The following AQP5 variants were observed in gnomAD, a reference collection of about 807,000 sequenced individuals.
AQP5 encodes aquaporin-5.
Under a neutral mutation model 19.1 loss-of-function variants are expected in AQP5, and 15 were observed. That is an observed-to-expected ratio of 0.79 (90% CI 0.53 to 1.21). The LOEUF (loss-of-function observed/expected upper bound fraction) is 1.21, where lower values mean the gene tolerates loss of function less well. Among genes scored for constraint, AQP5 ranks in the 50% most tolerant of loss-of-function variants. The pLI, the probability that AQP5 is intolerant of heterozygous loss-of-function variation, is 0.00. For missense variants in AQP5, 355 were observed against 357.1 expected (o/e 0.99, Z 0.05); for synonymous variants, 182 against 160.3 (o/e 1.14, Z -1.02).
rs1947474496 is a variant in AQP5 at position 49,965,039 on chromosome 12, T to C, written c.660T>C (p.Leu220=). 4 of 1,613,900 alleles carry C rather than the reference T, an allele frequency of 2.5e-6. No individual in the cohort carries two copies. In the South Asian group the frequency reaches 3.3e-5, roughly 13 times the overall value. Residue 220 remains leucine, a synonymous_variant, in exon 4 of 4, where the codon CTT becomes CTC. Transcript: ENST00000293599. ...TGGGGGCGGTCCTGGCTGCCATCCT[T>C]TACTTCTACCTGCTCTTCCCCAACT... The part of the protein sequence containing the change: ...PIVGAVLAAI[L]YFYLLFPNSL...
In AQP5 at chr12:49,964,166, C is replaced by T. The variant is rs145485849; in HGVS notation, c.603C>T (p.Pro201=). The change falls in exon 3 of 4, where the codon CCC becomes CCT. Residue 201 remains proline (P), a synonymous_variant. Coordinates refer to ENST00000293599, the MANE Select transcript of AQP5 (RefSeq NM_001651.4). ...CGGTGGTCATGAATCGGTTCAGCCCCGCTCACTGGGTGAGTCTGTCCCTTC... is the reference window on the plus strand; with the variant it reads ...CGGTGGTCATGAATCGGTTCAGCCCTGCTCACTGGGTGAGTCTGTCCCTTC... ...GPAVVMNRFS[P]AHWVFWVGPI... is the part of the protein sequence containing the mutation. The T allele has an allele frequency of 1.3e-4, 215 of 1,614,090 alleles. No individual in the cohort carries two copies. In the Admixed American group the frequency reaches 1.5e-3, roughly 12 times the overall value.
chr12:49,964,764 T>G, intron 3 of AQP5: 1 of 985,416 alleles, frequency 1.0e-6, no homozygotes. Flanking sequence ...GGGAATCTGT[T>G]TGCCTTCTTT....
intron 2 of AQP5, 154 bp from the exon 3 acceptor site, chr12:49,963,938 A>G (rs1447770227): frequency 1.2e-6 from 1 of 843,954 alleles, no homozygotes; most frequent in South Asian, 1.6e-5. Context: ...TCCATGGTTA[A>G]CCAAGCAGCT....
Position 49,962,208 on chromosome 12 carries a change from G to T in AQP5, c.191G>T (p.Ser64Ile). ...CTGGCCCAGGCCCTGGGACCCGTGA[G>T]CGGCGGCCACATCAACCCCGCCATC... is the stretch of plus-strand genomic sequence containing the variant. ...GTLAQALGPV[S>I]GGHINPAITL... Residue 64 changes from serine to isoleucine, a missense_variant, in exon 1 of 4, where the codon AGC (serine) becomes ATC (isoleucine). Coordinates refer to ENST00000293599, the MANE Select transcript of AQP5 (RefSeq NM_001651.4). 1.2e-6 allele frequency: 2 copies of T among 1,607,070 alleles called. No individual in the cohort carries two copies. Among genetic ancestry groups the T allele is most frequent in the Middle Eastern group, 1.7e-4 (1 of 5,922 alleles).
At position 49,962,050 on chromosome 12, in the gene AQP5, C is replaced by G. The variant is rs1373414214; in HGVS notation, c.33C>G (p.Leu11=). Residue 11 remains leucine (L), a synonymous_variant, in exon 1 of 4, where the codon CTC becomes CTG. Transcript: ENST00000293599. MKKEVCSVAF[L]KAVFAEFLAT... is the part of the protein sequence containing the mutation. ...AGGAGGTGTGCTCCGTGGCCTTCCTCAAGGCCGTGTTCGCAGAGTTCTTGG... is the reference window on the plus strand; with the variant it reads ...AGGAGGTGTGCTCCGTGGCCTTCCTGAAGGCCGTGTTCGCAGAGTTCTTGG... 5.6e-6 allele frequency: 9 copies of G among 1,604,188 alleles called. No individual in the cohort carries two copies. The highest frequency in any genetic ancestry group is 2.2e-5 in the East Asian group (1 of 44,596).
chr12:49,965,557 C>T lies in AQP5; in HGVS notation c.*380C>T, dbSNP rs2137163568. ...TAGGTGGGCAGAGGCAGACCCTCCC[C>T]AGAGCTCCTTAGGAAGAAGACAGAC... On this transcript the variant is annotated 3_prime_UTR_variant, in exon 4 of 4. Transcript: ENST00000293599. 5.7e-6 allele frequency: 1 copy of T among 174,386 alleles called. No homozygotes were observed. The highest frequency in any genetic ancestry group is 1.8e-4 in the South Asian group (1 of 5,510). 10.8% of individuals were successfully genotyped at this position (174,386 alleles called of 1,614,324 possible). A position where few individuals can be genotyped will look rare whatever the true frequency, so the allele number is the denominator to read the frequency against.
chr12:49,963,605 C>T lies in AQP5; in HGVS notation c.477C>T (p.Gly159=), dbSNP rs758625322. The T allele has an allele frequency of 6.8e-6, 11 of 1,613,730 alleles. No individual in the cohort carries two copies. Among genetic ancestry groups the T allele is most frequent in the Non-Finnish European group, 5.9e-6 (7 of 1,180,020 alleles). The part of the protein sequence containing the change: ...STDSRRTSPV[G]SPALSIGLSV... ...ACTCCCGCCGCACCAGCCCTGTGGG[C>T]TCCCCAGCCCTGTCCATTGGCCTGT... The change falls in exon 2 of 4, where the codon GGC becomes GGT. Residue 159 remains glycine (G), a synonymous_variant. Transcript: ENST00000293599.
chr12:49,963,273 G>A (rs147889462), intron 1 of AQP5, among the ~76,000 whole-genome samples: 4 of 152,366 alleles, frequency 2.6e-5, no homozygotes, highest in African/African-American at 4.8e-5. Flanking sequence ...CTACCCTGAC[G>A]CTCTGCCCTT....
At chr12:49,964,590 G>GCC (rs61339259) in intron 3 of AQP5, 3 of 952,814 alleles carry the variant, frequency 3.1e-6, no homozygotes, top group South Asian at 4.9e-5. Context: ...CAGTCTGTCT[G>GCC]CCCCCCCTTT....
chr12:49,964,725 C>T lies in AQP5; in HGVS notation c.613-267C>T, dbSNP rs529626575. 24 of 985,380 alleles carry T rather than the reference C, an allele frequency of 2.4e-5. No homozygotes were observed. The East Asian group carries it at 4.5e-4, about 19-fold the overall frequency. 61.0% of individuals were successfully genotyped at this position (985,380 alleles called of 1,614,324 possible). A position where few individuals can be genotyped will look rare whatever the true frequency, so the allele number is the denominator to read the frequency against. ...CTGAAGGTTTATTTGCTTCTCTTTC[C>T]GGTGTGGTTGGAGGGAGCCTGTCCC... On this transcript the variant is annotated intron_variant, in intron 3 of 3. Coordinates refer to ENST00000293599, the MANE Select transcript of AQP5 (RefSeq NM_001651.4).
Position 49,965,088 on chromosome 12 carries a change from G to T in AQP5, c.709G>T (p.Ala237Ser). ...CTCCCTGAGCCTGAGTGAGCGTGTGGCCATCATCAAAGGCACGTATGAGCC... is the reference window on the plus strand; with the variant it reads ...CTCCCTGAGCCTGAGTGAGCGTGTGTCCATCATCAAAGGCACGTATGAGCC... ...PNSLSLSERV[A>S]IIKGTYEPDE... The change falls in exon 4 of 4, where the codon GCC becomes TCC. Residue 237 changes from alanine to serine, a missense_variant. Transcript: ENST00000293599. 6.2e-7 allele frequency: 1 copy of T among 1,614,092 alleles called. No homozygotes were observed.
intron 3 of AQP5, 126 bp from the exon 4 acceptor site, chr12:49,964,866 G>A: frequency 6.8e-7 from 1 of 1,475,616 alleles, no homozygotes; most frequent in Non-Finnish European, 8.9e-7. Context: ...CTTTCTCCCT[G>A]AAGGTCTGGA....
In AQP5 at chr12:49,962,273, C is replaced by A; in HGVS notation, c.256C>A (p.Arg86=). 1 of 1,607,332 alleles carries A rather than the reference C, an allele frequency of 6.2e-7. No individual in the cohort carries two copies. The highest frequency in any genetic ancestry group is 8.5e-7 in the Non-Finnish European group (1 of 1,179,870). Residue 86 remains arginine, a synonymous_variant, in exon 1 of 4, where the codon CGG becomes AGG. Coordinates refer to ENST00000293599, the MANE Select transcript of AQP5 (RefSeq NM_001651.4). ...LLVGNQISLL[R]AFFYVAAQLV... Reference sequence around the variant, plus strand: ...GGTGGGCAACCAGATCTCGCTGCTCCGGGCTTTCTTCTACGTGGCGGCCCA... The same window carrying A: ...GGTGGGCAACCAGATCTCGCTGCTCAGGGCTTTCTTCTACGTGGCGGCCCA...
chr12:49,962,517 A>C, intron 1 of AQP5, 137 bp downstream of exon 1: 3 of 1,363,540 alleles, frequency 2.2e-6, no homozygotes, highest in Non-Finnish European at 2.9e-6. Context: ...AGAGCCTCCC[A>C]AGGCCAGGAA....
chr12:49,962,672 A>G (rs1947443081), intron 1 of AQP5: 1 of 357,024 alleles, frequency 2.8e-6, no homozygotes, highest in Non-Finnish European at 5.2e-6. Context: ...CTCACCTTTG[A>G]GCTCCACCTT....
In AQP5 at chr12:49,962,153, G is replaced by C. The variant is rs1481308684; in HGVS notation, c.136G>C (p.Ala46Pro). ...PSALPTILQI[A>P]LAFGLAIGTL... is the part of the protein sequence containing the mutation. ...GGCGCTGCCTACCATCCTGCAGATCGCGCTGGCGTTTGGCCTGGCCATAGG... is the reference window on the plus strand; with the variant it reads ...GGCGCTGCCTACCATCCTGCAGATCCCGCTGGCGTTTGGCCTGGCCATAGG... The change falls in exon 1 of 4, where the codon GCG becomes CCG. Residue 46 changes from alanine to proline, a missense_variant. Ala to Pro is a conservative substitution (Grantham distance 27). Transcript: ENST00000293599. 1 of 1,612,690 alleles carries C rather than the reference G, an allele frequency of 6.2e-7. No individual in the cohort carries two copies. Among genetic ancestry groups the C allele is most frequent in the South Asian group, 1.1e-5 (1 of 91,080 alleles).
chr12:49,962,495 A>ACCAGGAAGGCAAGAGCCTCCCCAGG (rs1947439361), intron 1 of AQP5, 115 bp downstream of exon 1: 2 of 1,014,540 alleles, frequency 2.0e-6, no homozygotes, highest in Admixed American at 3.7e-5. Flanking sequence ...CACACCCTTC[A>ACCAGGAAGGCAAGAGCCTCCCCAGG]CCAGGAAGGC....
chr12:49,962,534 T>TCCCAGGGCCAGGAAGGCAAGAGC (rs1262546880), intron 1 of AQP5, 154 bp downstream of exon 1: 1 of 974,746 alleles, frequency 1.0e-6, no homozygotes. Context: ...GGAAGGCAAC[T>TCCCAGGGCCAGGAAGGCAAGAGC]CTCCAGGCTG....
Position 49,961,983 on chromosome 12 carries a change from G to T in AQP5, c.-35G>T. Reference sequence around the variant, plus strand: ...GCCTGCGACCCAACGGGCGCCCCCCGCCGCGGCAGCTGCCGCCGGGCCCCC... The same window carrying T: ...GCCTGCGACCCAACGGGCGCCCCCCTCCGCGGCAGCTGCCGCCGGGCCCCC... On this transcript the variant is annotated 5_prime_UTR_variant, in exon 1 of 4. Coordinates refer to ENST00000293599, the MANE Select transcript of AQP5 (RefSeq NM_001651.4). 1 of 1,315,424 alleles carries T rather than the reference G, an allele frequency of 7.6e-7. No individual in the cohort carries two copies. The highest frequency in any genetic ancestry group is 2.4e-5 in the South Asian group (1 of 41,840). The allele number at this position is 1,315,424 out of a possible 1,614,324, so 81.5% of individuals were successfully genotyped here. A position where few individuals can be genotyped will look rare whatever the true frequency, so the allele number is the denominator to read the frequency against.
Sources: allele counts gnomAD v4.1 joint callset (sites outside exome capture counted in the v4.1 genomes callset), GRCh38; gene constraint gnomAD v4.1.1; transcripts MANE v1.5; gene names NCBI Gene and HGNC (gene_info 2026-07-23, HGNC 2026-07-21).